Variants in KALRN observed in about 807,000 individuals in gnomAD.
KALRN encodes the protein kalirin.
A neutral mutation model predicts 353.7 loss-of-function variants in KALRN; 70 were observed. That is an observed-to-expected ratio of 0.20 (90% CI 0.16 to 0.24). KALRN has a LOEUF of 0.24. Among genes scored for constraint, KALRN ranks in the 10% least tolerant of loss-of-function variants. The probability of loss-of-function intolerance (pLI) is 1.00; values close to 1 mark genes in which losing one functional copy is unlikely to be tolerated. For missense variants in KALRN, 2,791 were observed against 3,756.7 expected (o/e 0.74, Z 6.72); for synonymous variants, 1,391 against 1,434.8 (o/e 0.97, Z 0.69).
intron 33 of KALRN, among the ~76,000 whole-genome samples, chr3:124,536,934 C>T (rs2068564872): frequency 6.6e-6 from 1 of 152,204 alleles, no homozygotes; most frequent in Admixed American, 6.5e-5. Context: ...AGAGAATCCA[C>T]ATCTTCATGC....
chr3:124,117,448 T>TA (rs2063559331), intron 1 of KALRN, among the ~76,000 whole-genome samples: 1 of 152,180 alleles, frequency 6.6e-6, no homozygotes, highest in African/African-American at 2.4e-5. Flanking sequence ...TGAAGGATGC[T>TA]ACAAAAGTGC....
In KALRN at chr3:124,151,139, T is replaced by C. The variant is rs898248645; in HGVS notation, c.74-76851T>C. On this transcript the variant is annotated intron_variant, in intron 1 of 59. Coordinates refer to ENST00000682506, the MANE Select transcript of KALRN (RefSeq NM_001388419.1). ...GGTGCTATTATGAATAAAGCCGCTA[T>C]GGATACTCTCGTACATATCTATTGA... 2.0e-5 allele frequency among the ~76,000 whole-genome samples: 3 copies of C among 152,346 alleles called. No individual in the cohort carries two copies. The East Asian group carries it at 5.8e-4, about 29-fold the overall frequency.
At chr3:124,651,637 CT>C (rs66520052) in intron 38 of KALRN, among the ~76,000 whole-genome samples, 55,968 of 130,024 alleles carry the variant, frequency 0.43, 10,988 homozygotes, top group East Asian at 0.53. Flanking sequence ...TCTTTTCTAT[CT>C]TTTTTTTTTT....
At position 124,642,809 on chromosome 3, in the gene KALRN, T is replaced by TTTTTTTTTTTG. The variant is rs1559749963; in HGVS notation, c.5664+5516_5664+5517insGTTTTTTTTTT. Among the ~76,000 whole-genome samples, 300 of 88,338 alleles carry TTTTTTTTTTTG rather than the reference T, an allele frequency of 3.4e-3. 17 individuals are homozygous for TTTTTTTTTTTG. Among genetic ancestry groups the TTTTTTTTTTTG allele is most frequent in the African/African-American group, 0.012 (263 of 21,252 alleles). The allele number at this position is 88,338 out of a possible 152,430, so 58.0% of individuals were successfully genotyped here. On this transcript the variant is annotated intron_variant, in intron 37 of 59. Transcript: ENST00000682506. ...GTGGAAGAGATTCCCAAGCCTCGTT[T>TTTTTTTTTTTG]TTTTTTTTTTTTTTTTTGAGACGGA...
At chr3:124,270,554 A>G (rs375855961) in intron 5 of KALRN, among the ~76,000 whole-genome samples, 2 of 152,204 alleles carry the variant, frequency 1.3e-5, no homozygotes, top group South Asian at 4.1e-4. Context: ...CACTTTTTAT[A>G]GCATATCACT....
At chr3:124,048,156 G>T (rs538829354) in intron 1 of KALRN, among the ~76,000 whole-genome samples, 1 of 152,110 alleles carries the variant, frequency 6.6e-6, no homozygotes, top group African/African-American at 2.4e-5. Context: ...TAAGCCAATT[G>T]ACCTTTATAT....
chr3:124,323,033 T>G (rs1277137315), intron 6 of KALRN, among the ~76,000 whole-genome samples: 1 of 152,246 alleles, frequency 6.6e-6, no homozygotes, highest in Non-Finnish European at 1.5e-5. Flanking sequence ...ACTTCTTTTG[T>G]GAGGCATAAT....
At chr3:124,492,449 C>T (rs377494738) in intron 31 of KALRN, among the ~76,000 whole-genome samples, 7 of 152,204 alleles carry the variant, frequency 4.6e-5, no homozygotes, top group Non-Finnish European at 1.0e-4. Flanking sequence ...TACTGTTCCA[C>T]CTCCAGGGCA....
intron 15 of KALRN, 101 bp downstream of exon 15, chr3:124,423,079 G>A (rs1340947168): frequency 7.4e-6 from 8 of 1,077,022 alleles, no homozygotes; most frequent in Non-Finnish European, 1.1e-5. Context: ...AGCCACAGGT[G>A]CCCCTTTAAG....
intron 29 of KALRN, chr3:124,488,548 AT>A (rs574455772): frequency 3.6e-5 from 18 of 494,958 alleles, no homozygotes; most frequent in Non-Finnish European, 5.9e-5. Flanking sequence ...TTATGTGGAC[AT>A]GTTGCTGCCC....
chr3:124,256,341 A>G (rs534355073), intron 3 of KALRN, among the ~76,000 whole-genome samples: 1 of 152,204 alleles, frequency 6.6e-6, no homozygotes, highest in African/African-American at 2.4e-5. Flanking sequence ...CCTGAAGTGG[A>G]GGTAATTGAG....
At position 124,603,117 on chromosome 3, in the gene KALRN, A is replaced by G. The variant is rs1375480187; in HGVS notation, c.5183-29303A>G. 2.6e-5 allele frequency among the ~76,000 whole-genome samples: 4 copies of G among 152,104 alleles called. No individual in the cohort carries two copies. In the Middle Eastern group the frequency reaches 9.5e-3, roughly 361 times the overall value. On this transcript the variant is annotated intron_variant, in intron 34 of 59. Coordinates refer to ENST00000682506, the MANE Select transcript of KALRN (RefSeq NM_001388419.1). ...GCATATGTAAACCCTCTGCCGCCAAAGCTCTTAACACAAGCATTGCCTGGC... is the reference window on the plus strand; with the variant it reads ...GCATATGTAAACCCTCTGCCGCCAAGGCTCTTAACACAAGCATTGCCTGGC...
chr3:124,258,559 T>G (rs1385847738), intron 3 of KALRN, among the ~76,000 whole-genome samples: 2 of 152,242 alleles, frequency 1.3e-5, no homozygotes, highest in Non-Finnish European at 2.9e-5. Context: ...CAGAAGATGG[T>G]TCTTTTCCTC....
chr3:124,174,260 C>T (rs773758821), intron 1 of KALRN, among the ~76,000 whole-genome samples: 22 of 151,910 alleles, frequency 1.4e-4, no homozygotes, highest in African/African-American at 2.9e-4. Flanking sequence ...ATGGCAAAAT[C>T]CCATCTCTAT....
intron 24 of KALRN, 109 bp from the exon 25 acceptor site, chr3:124,462,415 G>T: frequency 3.1e-6 from 2 of 646,076 alleles, no homozygotes; most frequent in Non-Finnish European, 5.6e-6. Context: ...AACTCTGCAC[G>T]CATTTACAGT....
intron 3 of KALRN, among the ~76,000 whole-genome samples, chr3:124,236,092 G>A (rs9846518): frequency 0.077 from 11,730 of 152,046 alleles, 568 homozygotes; most frequent in African/African-American, 0.13. Context: ...GGAATTGTGA[G>A]CCCTGAAGAA....
chr3:124,057,650 C>G (rs894326192), intron 1 of KALRN, among the ~76,000 whole-genome samples: 1 of 152,076 alleles, frequency 6.6e-6, no homozygotes, highest in Admixed American at 6.6e-5. Context: ...GAGCCTGGGC[C>G]TGGGTGGTGG....
intron 5 of KALRN, 83 bp downstream of exon 5, chr3:124,269,338 G>A: frequency 7.1e-7 from 1 of 1,416,546 alleles, no homozygotes; most frequent in Non-Finnish European, 9.5e-7. Context: ...ATTAATGATA[G>A]TACTTTCCTG....
At chr3:124,344,159 G>C (rs183312738) in intron 9 of KALRN, among the ~76,000 whole-genome samples, 5 of 152,298 alleles carry the variant, frequency 3.3e-5, no homozygotes, top group Non-Finnish European at 7.4e-5. Context: ...GTACCTTGAT[G>C]GGTGCTTGTA....
Sources: gnomAD v4.1 joint callset for allele counts (sites outside exome capture counted in the v4.1 genomes callset) on GRCh38, gnomAD v4.1.1 for gene constraint, MANE v1.5 for transcripts, NCBI Gene and HGNC (gene_info 2026-07-23, HGNC 2026-07-21) for gene names.